Variants in PHF14 observed in about 807,000 individuals in gnomAD.
The protein encoded by PHF14 is PHD finger protein 14.
In PHF14, 55 loss-of-function variants were observed where a neutral mutation model predicts 117.9. The observed-to-expected ratio is 0.47, with a 90% CI of 0.38 to 0.58. The LOEUF is 0.58. PHF14 is among the 20% of genes least tolerant of loss of function. The pLI is 0.00. For synonymous variants in PHF14, 409 were observed against 368.6 expected (o/e 1.11, Z -1.26); for missense variants, 978 against 1,122.2 (o/e 0.87, Z 1.84).
intron 16 of PHF14, chr7:11,062,397 T>G (rs1785257194): frequency 5.7e-6 from 1 of 173,936 alleles, no homozygotes; most frequent in Non-Finnish European, 1.2e-5. Context: ...CACTGTGTAC[T>G]AAGATTATTA....
intron 4 of PHF14, among the ~76,000 whole-genome samples, chr7:11,007,739 T>C (rs919903368): frequency 6.6e-6 from 1 of 152,196 alleles, no homozygotes; most frequent in African/African-American, 2.4e-5. Context: ...CTAATTGTCC[T>C]CATATCCAGA....
At position 11,098,270 on chromosome 7, in the gene PHF14, A is replaced by G. The variant is rs1355049102; in HGVS notation, c.2655-13080A>G. Among the ~76,000 whole-genome samples, 17 of 152,302 alleles carry G rather than the reference A, an allele frequency of 1.1e-4. No individual in the cohort carries two copies. In the East Asian group the frequency reaches 2.5e-3, roughly 22 times the overall value. Reference sequence around the variant, plus strand: ...CAGAATATTTTGGGAACAGTTTTCTATTAAAACATTTCTTGATCCATTCTT... The same window carrying G: ...CAGAATATTTTGGGAACAGTTTTCTGTTAAAACATTTCTTGATCCATTCTT... On this transcript the variant is annotated intron_variant, in intron 16 of 17. Transcript: ENST00000634607.
chr7:11,084,840 CAT>C (rs1183324363), intron 16 of PHF14, among the ~76,000 whole-genome samples: 1 of 152,072 alleles, frequency 6.6e-6, no homozygotes, highest in East Asian at 1.9e-4. Context: ...TTTATTCACT[CAT>C]ATATTGATGA....
intron 5 of PHF14, among the ~76,000 whole-genome samples, chr7:11,018,937 T>C (rs186629622): frequency 6.6e-6 from 1 of 152,166 alleles, no homozygotes; most frequent in African/African-American, 2.4e-5. Flanking sequence ...TTGGGGAGTT[T>C]TTATGATGAA....
At chr7:11,159,820 C>T (rs1451926468) in intron 17 of PHF14, among the ~76,000 whole-genome samples, 1 of 152,010 alleles carries the variant, frequency 6.6e-6, no homozygotes, top group East Asian at 1.9e-4. Flanking sequence ...AGAAAAAATT[C>T]TAACAATAGA....
intron 17 of PHF14, among the ~76,000 whole-genome samples, chr7:11,134,124 C>T (rs1788156189): frequency 6.6e-6 from 1 of 151,756 alleles, no homozygotes. Context: ...GGCTGTAACC[C>T]ATTAAAAGAT....
At chr7:11,056,225 T>C (rs1462735272) in intron 14 of PHF14, among the ~76,000 whole-genome samples, 1 of 152,184 alleles carries the variant, frequency 6.6e-6, no homozygotes, top group Non-Finnish European at 1.5e-5. Flanking sequence ...GCTTTTTGCC[T>C]CTTGGAAATC....
rs964529978 is a variant in PHF14, at chr7:11,106,279, A to G, written c.2655-5071A>G. ...TTTTTAAAATTAATTTTTATGTGTA[A>G]AGAATATTTTTGTCTTTCTTACTAC... On this transcript the variant is annotated intron_variant, in intron 16 of 17. Transcript: ENST00000634607. The G allele has an allele frequency of 6.2e-6, 6 of 965,184 alleles. No individual in the cohort carries two copies. The African/African-American group carries it at 1.1e-4, about 17-fold the overall frequency. 59.8% of individuals were successfully genotyped at this position (965,184 alleles called of 1,614,324 possible). A position where few individuals can be genotyped will look rare whatever the true frequency, so the allele number is the denominator to read the frequency against.
chr7:11,114,466 A>G (rs574947039), intron 17 of PHF14, among the ~76,000 whole-genome samples: 1 of 152,096 alleles, frequency 6.6e-6, no homozygotes, highest in Non-Finnish European at 1.5e-5. Context: ...CCGTAAGTCT[A>G]ATAAGATTCA....
At chr7:11,000,399 G>A (rs768184724) in intron 4 of PHF14, among the ~76,000 whole-genome samples, 5 of 141,494 alleles carry the variant, frequency 3.5e-5, no homozygotes, top group Non-Finnish European at 7.6e-5. Context: ...GAGTGCAGTG[G>A]TGGGATCTTG....
intron 16 of PHF14, among the ~76,000 whole-genome samples, chr7:11,077,013 G>A (rs1188026092): frequency 6.6e-6 from 1 of 151,300 alleles, no homozygotes; most frequent in Non-Finnish European, 1.5e-5. Flanking sequence ...AATGCCATGT[G>A]TCATGTTTAA....
At chr7:11,132,813 G>A (rs1788124452) in intron 17 of PHF14, among the ~76,000 whole-genome samples, 1 of 151,642 alleles carries the variant, frequency 6.6e-6, no homozygotes, top group African/African-American at 2.4e-5. Flanking sequence ...AGTATGAGAT[G>A]GTATCTCATA....
chr7:10,974,847 C>T lies in PHF14; in HGVS notation c.14C>T (p.Ser5Phe), dbSNP rs1305576811. The T allele has an allele frequency of 6.4e-7, 1 of 1,574,198 alleles. No individual in the cohort carries two copies. Residue 5 changes from serine to phenylalanine, a missense_variant, in exon 2 of 18, where the codon TCC becomes TTC. Physicochemically the swap from Ser to Phe is radical, Grantham distance 155. Transcript: ENST00000634607. The part of the protein sequence containing the change: MDRS[S>F]KRRQVKPLAA... ...TTTCTCTTCACAGTGGATCGCAGCT[C>T]CAAGAGGAGGCAGGTGAAGCCTTTG... is the stretch of plus-strand genomic sequence containing the variant.
intron 16 of PHF14, among the ~76,000 whole-genome samples, chr7:11,094,463 A>C (rs1403553153): frequency 6.6e-6 from 1 of 151,966 alleles, no homozygotes; most frequent in Non-Finnish European, 1.5e-5. Flanking sequence ...GACTCCTCCT[A>C]CTTCTCTCTT....
At chr7:11,035,206 G>A (rs547343717) in intron 7 of PHF14, among the ~76,000 whole-genome samples, 1 of 151,852 alleles carries the variant, frequency 6.6e-6, no homozygotes, top group South Asian at 2.1e-4. Context: ...GGTATTATAA[G>A]TAATGTAGAG....
At chr7:11,059,453 A>G (rs1300843798) in intron 14 of PHF14, among the ~76,000 whole-genome samples, 1 of 152,174 alleles carries the variant, frequency 6.6e-6, no homozygotes, top group Non-Finnish European at 1.5e-5. Context: ...TCCACTTGAT[A>G]TTGGTTACTA....
intron 4 of PHF14, among the ~76,000 whole-genome samples, chr7:11,005,217 TCACTGATTACAATTA>T (rs761276098): frequency 6.6e-6 from 1 of 152,200 alleles, no homozygotes; most frequent in Non-Finnish European, 1.5e-5. Flanking sequence ...CTTGTCAAAG[TCACTGATTACAATTA>T]CACTGATTAC....
At chr7:11,097,516 T>G (rs1375581276) in intron 16 of PHF14, among the ~76,000 whole-genome samples, 2 of 152,132 alleles carry the variant, frequency 1.3e-5, no homozygotes, top group African/African-American at 4.8e-5. Flanking sequence ...TCTTGGTGAA[T>G]TAGGATTCAA....
chr7:11,026,141 C>A (rs1167218390), intron 6 of PHF14, among the ~76,000 whole-genome samples: 1 of 151,380 alleles, frequency 6.6e-6, no homozygotes, highest in Non-Finnish European at 1.5e-5. Flanking sequence ...AGAGAAATTG[C>A]CACAGCCACT....
Sources: gnomAD v4.1 joint callset for allele counts (sites outside exome capture counted in the v4.1 genomes callset) on GRCh38, gnomAD v4.1.1 for gene constraint, MANE v1.5 for transcripts, NCBI Gene and HGNC (gene_info 2026-07-23, HGNC 2026-07-21) for gene names.